Variants in NUP58 observed in about 807,000 individuals in gnomAD.
NUP58 encodes the protein nucleoporin p58/p45.
A neutral mutation model predicts 70.1 loss-of-function variants in NUP58; 17 were observed. That is an observed-to-expected ratio of 0.24 (90% CI 0.17 to 0.36). NUP58 has a LOEUF of 0.36. Among genes scored for constraint, NUP58 ranks in the 10% least tolerant of loss-of-function variants. The probability of loss-of-function intolerance (pLI) is 1.00; values close to 1 mark genes in which losing one functional copy is unlikely to be tolerated. For synonymous variants in NUP58, 275 were observed against 257.6 expected, an observed-to-expected ratio of 1.07 and a Z score of -0.65; for missense variants, 644 against 701.5, an observed-to-expected ratio of 0.92 and a Z score of 0.93.
At chr13:25,335,993 G>T in intron 13 of NUP58, 2 of 1,113,000 alleles carry the variant, frequency 1.8e-6, no homozygotes, top group South Asian at 4.1e-5. Flanking sequence ...AAAAATAGTA[G>T]TTTAAAAGAG....
chr13:25,338,055 C>T (rs1033227177), intron 14 of NUP58, among the ~76,000 whole-genome samples: 5 of 152,100 alleles, frequency 3.3e-5, no homozygotes, highest in Non-Finnish European at 7.4e-5. Context: ...ATGATCTTCT[C>T]ACCACCAATT....
chr13:25,335,469 T>A (rs748928687), intron 13 of NUP58: 42 of 984,974 alleles, frequency 4.3e-5, no homozygotes, highest in Non-Finnish European at 4.9e-5. Context: ...TTGTTAGGAA[T>A]CAGAAAGTAT....
chr13:25,334,877 G>A, intron 13 of NUP58: 2 of 984,374 alleles, frequency 2.0e-6, no homozygotes, highest in Non-Finnish European at 2.4e-6. Context: ...GCCAGTCATT[G>A]GTATATATCA....
chr13:25,320,859 A>T lies in NUP58; in HGVS notation c.777-60A>T, dbSNP rs945639707. 9.9e-6 allele frequency: 11 copies of T among 1,110,632 alleles called. No individual in the cohort carries two copies. The East Asian group carries it at 1.1e-4, about 11-fold the overall frequency. 68.8% of individuals were successfully genotyped at this position (1,110,632 alleles called of 1,614,324 possible). On this transcript the variant is annotated intron_variant, in intron 8 of 15. Coordinates refer to ENST00000381736, the MANE Select transcript of NUP58 (RefSeq NM_014089.4). ...CTTGGACTGTTTTAAGTATATATAT[A>T]TTTTGTGTAGGAAACCAAAGATACA...
intron 1 of NUP58, among the ~76,000 whole-genome samples, chr13:25,303,805 C>G (rs1225768862): frequency 2.0e-5 from 3 of 152,206 alleles, no homozygotes; most frequent in Non-Finnish European, 2.9e-5. Context: ...AATTTCCCAC[C>G]TCATTGTCAG....
chr13:25,331,632 C>A, intron 13 of NUP58, 74 bp downstream of exon 13: 1 of 1,539,082 alleles, frequency 6.5e-7, no homozygotes, highest in African/African-American at 1.4e-5. Context: ...ATAAGTCTTC[C>A]ATTTGTGTGA....
intron 9 of NUP58, among the ~76,000 whole-genome samples, chr13:25,324,168 G>A (rs1309921481): frequency 6.6e-6 from 1 of 152,104 alleles, no homozygotes; most frequent in Non-Finnish European, 1.5e-5. Flanking sequence ...GGGGTGGGAT[G>A]GAAGCCTGAG....
At chr13:25,305,217 C>T (rs371967547) in intron 1 of NUP58, among the ~76,000 whole-genome samples, 179 of 146,356 alleles carry the variant, frequency 1.2e-3, no homozygotes, top group East Asian at 3.6e-3. Context: ...AATCTCAGCC[C>T]GCTACAACCT....
At chr13:25,337,263 A>G (rs1454464565) in intron 14 of NUP58, among the ~76,000 whole-genome samples, 3 of 152,170 alleles carry the variant, frequency 2.0e-5, no homozygotes, top group Non-Finnish European at 2.9e-5. Context: ...ATTAAGTGGT[A>G]GGCATGTTCA....
At chr13:25,338,394 C>G (rs944673544) in intron 14 of NUP58, among the ~76,000 whole-genome samples, 7 of 151,934 alleles carry the variant, frequency 4.6e-5, no homozygotes, top group African/African-American at 1.7e-4. Flanking sequence ...TTTTTTATGG[C>G]CTTGTTCTTT....
chr13:25,319,221 AAC>A, intron 6 of NUP58, 103 bp from the exon 7 acceptor site: 1 of 889,338 alleles, frequency 1.1e-6, no homozygotes, highest in South Asian at 1.4e-5. Flanking sequence ...AGAAATGCTT[AAC>A]AGTTTATATT....
chr13:25,336,347 T>A (rs565859055), intron 13 of NUP58: 11 of 1,013,820 alleles, frequency 1.1e-5, no homozygotes, highest in Non-Finnish European at 1.5e-5. Context: ...AAATAAAACA[T>A]TGTCTTGTTT....
At chr13:25,317,231 A>G (rs889200018) in intron 6 of NUP58, among the ~76,000 whole-genome samples, 2 of 152,196 alleles carry the variant, frequency 1.3e-5, no homozygotes, top group African/African-American at 4.8e-5. Context: ...CAGATTAGCC[A>G]TAGAGCAGAA....
chr13:25,311,888 A>T (rs1426910216), intron 3 of NUP58, among the ~76,000 whole-genome samples: 1 of 152,126 alleles, frequency 6.6e-6, no homozygotes, highest in Non-Finnish European at 1.5e-5. Context: ...GAAGGAAAGG[A>T]TGTCAAGGAT....
At chr13:25,306,566 A>G (rs1266835423) in intron 1 of NUP58, among the ~76,000 whole-genome samples, 5 of 152,180 alleles carry the variant, frequency 3.3e-5, no homozygotes, top group Non-Finnish European at 7.3e-5. Context: ...GAGACTTTAA[A>G]AATGACATTG....
intron 9 of NUP58, among the ~76,000 whole-genome samples, chr13:25,323,135 TA>T (rs1453689997): frequency 6.6e-6 from 1 of 152,096 alleles, no homozygotes; most frequent in Non-Finnish European, 1.5e-5. Context: ...AAAAGTCTAG[TA>T]GGGTGAATGA....
intron 1 of NUP58, among the ~76,000 whole-genome samples, chr13:25,305,840 CT>C (rs2137712194): frequency 6.6e-6 from 1 of 152,158 alleles, no homozygotes; most frequent in Admixed American, 6.5e-5. Flanking sequence ...ATTTGAGTGG[CT>C]TCTTAAGCTG....
chr13:25,314,330 A>T (rs1156851069), intron 5 of NUP58, among the ~76,000 whole-genome samples: 1 of 152,240 alleles, frequency 6.6e-6, no homozygotes. Flanking sequence ...CAGTAAACTG[A>T]TCTAGAGATA....
intron 3 of NUP58, among the ~76,000 whole-genome samples, chr13:25,311,967 G>T (rs1363792901): frequency 4.6e-5 from 7 of 152,120 alleles, no homozygotes; most frequent in Admixed American, 4.6e-4. Flanking sequence ...TTTGTGGTGA[G>T]ATATGTAGGA....
Sources: allele counts gnomAD v4.1 joint callset (sites outside exome capture counted in the v4.1 genomes callset), GRCh38; gene constraint gnomAD v4.1.1; transcripts MANE v1.5; gene names NCBI Gene and HGNC (gene_info 2026-07-23, HGNC 2026-07-21).